The following PARD3 variants were observed in gnomAD, a reference collection of about 807,000 sequenced individuals.
The protein encoded by PARD3 is partitioning defective 3 homolog.
In PARD3, 75 loss-of-function variants were observed where a neutral mutation model predicts 155.4. The observed-to-expected ratio is 0.48, with a 90% confidence interval of 0.40 to 0.58. The LOEUF is 0.58. Among genes scored for constraint, PARD3 ranks in the 20% least tolerant of loss-of-function variants. The pLI is 0.00. For missense variants in PARD3, 1,642 were observed against 1,721.7 expected (o/e 0.95, Z 0.82); for synonymous variants, 576 against 610.5 (o/e 0.94, Z 0.83).
intron 1 of PARD3, among the ~76,000 whole-genome samples, chr10:34,801,476 T>C (rs1434528674): frequency 6.6e-6 from 1 of 152,168 alleles, no homozygotes; most frequent in African/African-American, 2.4e-5. Context: ...GTAGTCCTCT[T>C]GAATACAAAG....
chr10:34,250,271 G>A (rs1002469115), intron 22 of PARD3, among the ~76,000 whole-genome samples: 2 of 152,104 alleles, frequency 1.3e-5, no homozygotes, highest in African/African-American at 4.8e-5. Flanking sequence ...TCTTAATAGT[G>A]TCTCAGAGAT....
intron 2 of PARD3, among the ~76,000 whole-genome samples, chr10:34,536,269 T>C (rs143642079): frequency 2.0e-5 from 3 of 152,212 alleles, no homozygotes; most frequent in Non-Finnish European, 4.4e-5. Flanking sequence ...TAAAAAGTAC[T>C]TAAATCATTT....
intron 22 of PARD3, among the ~76,000 whole-genome samples, chr10:34,261,817 GAAAGAAAGAAACAAAC>G (rs1356147170): frequency 1.0e-5 from 1 of 96,532 alleles, no homozygotes; most frequent in Non-Finnish European, 2.6e-5. Flanking sequence ...AAGAAAGAAA[GAAAGAAAGAAACAAAC>G]AAACAAACAA....
chr10:34,698,002 T>C (rs984527864), intron 1 of PARD3, among the ~76,000 whole-genome samples: 6 of 152,084 alleles, frequency 3.9e-5, no homozygotes, highest in African/African-American at 1.4e-4. Flanking sequence ...GGAAATAATG[T>C]CCTGGGGGTG....
At chr10:34,506,846 A>T (rs1182784010) in intron 3 of PARD3, among the ~76,000 whole-genome samples, 7 of 152,228 alleles carry the variant, frequency 4.6e-5, no homozygotes, top group South Asian at 2.1e-4. Context: ...GATTGCAAAT[A>T]TCAGTGAAAA....
At chr10:34,252,621 G>A (rs116127498) in intron 22 of PARD3, among the ~76,000 whole-genome samples, 4,931 of 152,164 alleles carry the variant, frequency 0.032, 256 homozygotes, top group African/African-American at 0.11. Flanking sequence ...CGACACAGTG[G>A]AGTTTATCAC....
At chr10:34,303,067 TTTA>T (rs60476276) in intron 20 of PARD3, among the ~76,000 whole-genome samples, 70,058 of 142,486 alleles carry the variant, frequency 0.49, 16,232 homozygotes, top group Middle Eastern at 0.57. Context: ...AAAACCAAGT[TTTA>T]AAAAAAAAAA....
intron 15 of PARD3, chr10:34,343,305 C>T: frequency 1.1e-6 from 1 of 940,376 alleles, no homozygotes; most frequent in Non-Finnish European, 1.3e-6. Context: ...TTTTTAAACA[C>T]AAAACTAAAA....
chr10:34,658,160 G>T (rs575795910), intron 2 of PARD3, among the ~76,000 whole-genome samples: 2 of 148,652 alleles, frequency 1.3e-5, no homozygotes, highest in East Asian at 4.0e-4. Context: ...AAAAAAAAAA[G>T]AATCCACAAC....
chr10:34,578,782 G>T (rs1471204904), intron 2 of PARD3, among the ~76,000 whole-genome samples: 2 of 152,142 alleles, frequency 1.3e-5, no homozygotes, highest in African/African-American at 4.8e-5. Context: ...TTACCTACTT[G>T]TCTAACAGTG....
Position 34,684,818 on chromosome 10 carries a change from CACACACACACACAT to C in PARD3, c.222+11486_222+11499del, listed in dbSNP as rs1201976998. ...ACACACACACACACACACACACACA[CACACACACACACAT>C]ATATACACACACACATATATATACA... On this transcript the variant is annotated intron_variant, in intron 2 of 24. Transcript: ENST00000374788. Among the ~76,000 whole-genome samples the C allele has an allele frequency of 1.0e-3, 123 of 117,798 alleles. 1 individual carries two copies. Among genetic ancestry groups the C allele is most frequent in the African/African-American group, 1.3e-3 (31 of 24,226 alleles). 77.3% of individuals were successfully genotyped at this position (117,798 alleles called of 152,430 possible).
At chr10:34,210,271 T>C (rs1026822595) in intron 22 of PARD3, among the ~76,000 whole-genome samples, 2 of 152,062 alleles carry the variant, frequency 1.3e-5, no homozygotes, top group Non-Finnish European at 2.9e-5. Flanking sequence ...AGAAGAGGAA[T>C]TGGAAGAGTA....
chr10:34,537,039 G>A (rs146003809), intron 2 of PARD3, among the ~76,000 whole-genome samples: 1 of 152,298 alleles, frequency 6.6e-6, no homozygotes, highest in African/African-American at 2.4e-5. Flanking sequence ...GTCTTGCTCT[G>A]TCATCCTGGC....
intron 2 of PARD3, among the ~76,000 whole-genome samples, chr10:34,527,037 T>G (rs1019021114): frequency 6.6e-6 from 1 of 152,236 alleles, no homozygotes; most frequent in African/African-American, 2.4e-5. Context: ...CATTCTAAAA[T>G]AGAAACTTGA....
chr10:34,398,806 C>T (rs1203856885), intron 7 of PARD3, among the ~76,000 whole-genome samples: 2 of 152,126 alleles, frequency 1.3e-5, no homozygotes, highest in Admixed American at 6.6e-5. Flanking sequence ...ACAAACAGTA[C>T]ATGATTTTTA....
intron 22 of PARD3, among the ~76,000 whole-genome samples, chr10:34,196,651 G>A (rs1202692793): frequency 1.4e-5 from 2 of 138,676 alleles, no homozygotes; most frequent in African/African-American, 2.8e-5. Context: ...TTGGCTCACT[G>A]CAAGCTCTGC....
Position 34,678,931 on chromosome 10 carries a change from G to A in PARD3, c.222+17387C>T, listed in dbSNP as rs112652664. 9.4e-3 allele frequency among the ~76,000 whole-genome samples: 1,427 copies of A among 152,044 alleles called. 27 individuals are homozygous for A. The highest frequency in any genetic ancestry group is 0.033 in the African/African-American group (1,356 of 41,480). ...CCTTGAAAACCTTAACGCCTTCACC[G>A]AATCCTTCCGAGAGGTCCCAGAAAA... On this transcript the variant is annotated intron_variant, in intron 2 of 24. Coordinates refer to ENST00000374788, the MANE Select transcript of PARD3 (RefSeq NM_001184785.2).
At chr10:34,720,087 C>A (rs2094579622) in intron 1 of PARD3, among the ~76,000 whole-genome samples, 1 of 152,218 alleles carries the variant, frequency 6.6e-6, no homozygotes, top group Non-Finnish European at 1.5e-5. Flanking sequence ...CAATTTCCCC[C>A]TGAAGTAAAT....
chr10:34,810,585 G>A (rs948499404), intron 1 of PARD3, among the ~76,000 whole-genome samples: 1 of 152,124 alleles, frequency 6.6e-6, no homozygotes, highest in Admixed American at 6.5e-5. Context: ...TCCTGATTGT[G>A]GTGCTGCACG....
Sources: gnomAD v4.1 joint callset for allele counts (sites outside exome capture counted in the v4.1 genomes callset) on GRCh38, gnomAD v4.1.1 for gene constraint, MANE v1.5 for transcripts, NCBI Gene and HGNC (gene_info 2026-07-23, HGNC 2026-07-21) for gene names.